The following DLG2 variants were observed in gnomAD, a reference collection of about 807,000 sequenced individuals.
DLG2 encodes the protein discs large MAGUK scaffold protein 2.
A neutral mutation model predicts 132.5 loss-of-function variants in DLG2; 45 were observed. The observed-to-expected ratio is 0.34, with a 90% CI of 0.27 to 0.44. DLG2 has a LOEUF of 0.44. DLG2 is among the 20% of genes least tolerant of loss of function. The pLI is 1.00. For missense variants in DLG2, 1,045 were observed against 1,196.9 expected (o/e 0.87, Z 1.87); for synonymous variants, 424 against 419.6 (o/e 1.01, Z -0.13).
intron 11 of DLG2, among the ~76,000 whole-genome samples, chr11:83,982,413 T>C (rs2092869252): frequency 6.7e-6 from 1 of 150,256 alleles, no homozygotes; most frequent in African/African-American, 2.5e-5. Flanking sequence ...CTGATGATCC[T>C]GACCCTGGGT....
chr11:84,346,845 C>T (rs1327112984), intron 7 of DLG2, among the ~76,000 whole-genome samples: 1 of 152,114 alleles, frequency 6.6e-6, no homozygotes, highest in African/African-American at 2.4e-5. Context: ...CAAGAGACTG[C>T]AGTTTTCATT....
chr11:85,021,673 T>C, intron 6 of DLG2: 1 of 1,077,896 alleles, frequency 9.3e-7, no homozygotes, highest in East Asian at 2.4e-5. Context: ...TGATAAGGTT[T>C]CTCACACAGC....
chr11:83,572,297 G>A (rs141907619), intron 19 of DLG2, among the ~76,000 whole-genome samples: 17 of 152,240 alleles, frequency 1.1e-4, no homozygotes, highest in African/African-American at 3.9e-4. Context: ...GTGGGGTATG[G>A]CAAATAGAAA....
At chr11:85,583,275 C>G (rs930825336) in intron 3 of DLG2, among the ~76,000 whole-genome samples, 2 of 149,702 alleles carry the variant, frequency 1.3e-5, no homozygotes, top group Admixed American at 1.3e-4. Context: ...AAGGAATCCT[C>G]CCACCTCAGC....
At chr11:84,746,704 G>T (rs1431022588) in intron 6 of DLG2, among the ~76,000 whole-genome samples, 1 of 152,294 alleles carries the variant, frequency 6.6e-6, no homozygotes, top group East Asian at 1.9e-4. Context: ...TTGGTTGCAA[G>T]ATACAGAAAA....
intron 15 of DLG2, among the ~76,000 whole-genome samples, chr11:83,923,763 C>T (rs1484061555): frequency 2.6e-5 from 4 of 152,058 alleles, no homozygotes; most frequent in Non-Finnish European, 5.9e-5. Flanking sequence ...TATTTCAACC[C>T]TGCTCTATAA....
chr11:84,958,272 T>C (rs2051998315), intron 6 of DLG2, among the ~76,000 whole-genome samples: 1 of 152,152 alleles, frequency 6.6e-6, no homozygotes, highest in Non-Finnish European at 1.5e-5. Context: ...CCAAGTTTTT[T>C]AGCCAAAGGA....
chr11:84,666,132 A>C (rs751465694), intron 6 of DLG2, among the ~76,000 whole-genome samples: 20 of 152,252 alleles, frequency 1.3e-4, no homozygotes, highest in Non-Finnish European at 2.6e-4. Flanking sequence ...TTGGTCAAGC[A>C]TTATCCTGGG....
At chr11:84,777,662 C>A (rs1161722079) in intron 6 of DLG2, among the ~76,000 whole-genome samples, 1 of 151,974 alleles carries the variant, frequency 6.6e-6, no homozygotes, top group Non-Finnish European at 1.5e-5. Context: ...AACAGCCATT[C>A]TGACTGGGGT....
At chr11:85,291,393 T>A (rs2078879530) in intron 3 of DLG2, among the ~76,000 whole-genome samples, 1 of 152,084 alleles carries the variant, frequency 6.6e-6, no homozygotes, top group South Asian at 2.1e-4. Context: ...CTTCTTCCCA[T>A]CCCAGCCTTC....
At chr11:85,196,047 A>G (rs138041960) in intron 4 of DLG2, among the ~76,000 whole-genome samples, 2 of 152,274 alleles carry the variant, frequency 1.3e-5, no homozygotes, top group East Asian at 3.9e-4. Flanking sequence ...GAGAATTTTC[A>G]CACTAAGTAG....
intron 9 of DLG2, among the ~76,000 whole-genome samples, chr11:84,099,263 T>G (rs1338856916): frequency 6.6e-6 from 1 of 152,152 alleles, no homozygotes; most frequent in Admixed American, 6.5e-5. Context: ...CATTATATTT[T>G]TCTTTTAAAA....
At chr11:85,602,809 T>C (rs2080259861) in intron 2 of DLG2, among the ~76,000 whole-genome samples, 1 of 152,178 alleles carries the variant, frequency 6.6e-6, no homozygotes, top group East Asian at 1.9e-4. Context: ...AGAACTCTCC[T>C]ATATCATGGC....
At position 85,406,744 on chromosome 11, in the gene DLG2, G is replaced by C. The variant is rs552629634; in HGVS notation, c.41-121379C>G. On this transcript the variant is annotated intron_variant, in intron 3 of 27. Coordinates refer to ENST00000376104, the MANE Select transcript of DLG2 (RefSeq NM_001142699.3). ...GTTTTGGGTACCAGAAACAGAGTAA[G>C]TTAAACAAAACAAAAATCTCTGCTC... Among the ~76,000 whole-genome samples the C allele has an allele frequency of 2.0e-5, 3 of 152,004 alleles. No homozygotes were observed. The South Asian group carries it at 6.2e-4, about 32-fold the overall frequency.
chr11:84,985,819 C>A (rs2056397399), intron 6 of DLG2, among the ~76,000 whole-genome samples: 3 of 151,476 alleles, frequency 2.0e-5, no homozygotes, highest in South Asian at 2.1e-4. Context: ...ATGATGAAAC[C>A]CGATCTCTAC....
intron 11 of DLG2, among the ~76,000 whole-genome samples, chr11:84,049,406 A>C (rs955186998): frequency 6.6e-6 from 1 of 151,754 alleles, no homozygotes; most frequent in Non-Finnish European, 1.5e-5. Flanking sequence ...AGGAGTGAAA[A>C]AAGGTAAGGT....
intron 11 of DLG2, among the ~76,000 whole-genome samples, chr11:84,019,337 A>G (rs978450540): frequency 6.6e-6 from 1 of 152,168 alleles, no homozygotes; most frequent in Non-Finnish European, 1.5e-5. Context: ...CCTCAAGGTT[A>G]TAAGTCCAAG....
intron 7 of DLG2, among the ~76,000 whole-genome samples, chr11:84,339,595 G>A (rs780479220): frequency 5.3e-5 from 8 of 152,022 alleles, no homozygotes; most frequent in Non-Finnish European, 1.2e-4. Flanking sequence ...TCCCTTTGAT[G>A]CAATGATATA....
chr11:83,599,417 G>A (rs564058319), intron 19 of DLG2, among the ~76,000 whole-genome samples: 6 of 152,014 alleles, frequency 3.9e-5, no homozygotes, highest in East Asian at 3.9e-4. Flanking sequence ...AAACTGTTAC[G>A]TCTGATTGGA....
Sources: allele counts gnomAD v4.1 joint callset (sites outside exome capture counted in the v4.1 genomes callset), GRCh38; gene constraint gnomAD v4.1.1; transcripts MANE v1.5; gene names NCBI Gene and HGNC (gene_info 2026-07-23, HGNC 2026-07-21).